Variants in MTHFD1L observed in about 807,000 individuals in gnomAD.
MTHFD1L encodes monofunctional C1-tetrahydrofolate synthase, mitochondrial.
In MTHFD1L, 81 loss-of-function variants were observed where a neutral mutation model predicts 119.5. The observed-to-expected ratio is 0.68, with a 90% CI of 0.57 to 0.82. MTHFD1L has a LOEUF of 0.82. Ranked by LOEUF, MTHFD1L falls within the 40% of genes least tolerant of loss-of-function variation. The pLI is 0.00. For synonymous variants in MTHFD1L, 430 were observed against 475.2 expected (o/e 0.90, Z 1.24); for missense variants, 1,125 against 1,253.4 (o/e 0.90, Z 1.55).
intron 8 of MTHFD1L, among the ~76,000 whole-genome samples, chr6:150,917,991 G>A (rs1788265035): frequency 6.6e-6 from 1 of 150,884 alleles, no homozygotes; most frequent in Non-Finnish European, 1.5e-5. Context: ...TGTGAGATAT[G>A]ATTTTGAAAG....
At chr6:151,022,492 A>G (rs1562553516) in intron 24 of MTHFD1L, 1 of 155,664 alleles carries the variant, frequency 6.4e-6, no homozygotes, top group Non-Finnish European at 1.4e-5. Context: ...TTGTACATAC[A>G]GGGTTTAATT....
At chr6:151,007,916 A>C (rs572180133) in intron 20 of MTHFD1L, among the ~76,000 whole-genome samples, 13 of 152,248 alleles carry the variant, frequency 8.5e-5, no homozygotes, top group Non-Finnish European at 1.8e-4. Context: ...GTTTGTTCAA[A>C]TAACACATAA....
At chr6:150,930,179 T>TC (rs1178816749) in intron 11 of MTHFD1L, among the ~76,000 whole-genome samples, 46 of 151,978 alleles carry the variant, frequency 3.0e-4, no homozygotes, top group Non-Finnish European at 6.2e-4. Flanking sequence ...TGTGGGTGGA[T>TC]CACTTGAGGC....
At chr6:150,975,817 A>G (rs1356768784) in intron 20 of MTHFD1L, among the ~76,000 whole-genome samples, 1 of 152,212 alleles carries the variant, frequency 6.6e-6, no homozygotes, top group Non-Finnish European at 1.5e-5. Flanking sequence ...CCCCCTGAGC[A>G]GTACCTCATT....
At chr6:150,928,353 G>A (rs867010923) in intron 11 of MTHFD1L, among the ~76,000 whole-genome samples, 9 of 148,670 alleles carry the variant, frequency 6.1e-5, no homozygotes, top group Non-Finnish European at 1.2e-4. Context: ...GGAGAATGGC[G>A]TGAACCTGGG....
chr6:150,946,420 G>A (rs1793955362), intron 15 of MTHFD1L, among the ~76,000 whole-genome samples: 1 of 150,116 alleles, frequency 6.7e-6, no homozygotes, highest in African/African-American at 2.4e-5. Flanking sequence ...AAAGTGCTGG[G>A]ATTACAGGTG....
intron 26 of MTHFD1L, among the ~76,000 whole-genome samples, chr6:151,069,270 TCTCTCTCTCTCC>T (rs1052423574): frequency 6.6e-6 from 1 of 151,182 alleles, no homozygotes; most frequent in African/African-American, 2.4e-5. Context: ...TCTCTCTCTC[TCTCTCTCTCTCC>T]CTCCCTCTCT....
intron 19 of MTHFD1L, among the ~76,000 whole-genome samples, chr6:150,965,506 A>G (rs1328697836): frequency 6.6e-6 from 1 of 152,002 alleles, no homozygotes; most frequent in Admixed American, 6.6e-5. Context: ...TAAAAATACA[A>G]AAAAATTAGC....
chr6:150,944,345 G>C, intron 13 of MTHFD1L, 141 bp from the exon 14 acceptor site: 1 of 646,814 alleles, frequency 1.5e-6, no homozygotes, highest in Non-Finnish European at 2.7e-6. Flanking sequence ...CTACTCAGTA[G>C]GCTTAGGTGA....
At chr6:151,001,181 T>C (rs575912362) in intron 20 of MTHFD1L, among the ~76,000 whole-genome samples, 2 of 152,332 alleles carry the variant, frequency 1.3e-5, no homozygotes, top group Admixed American at 1.3e-4. Flanking sequence ...ATATTTGATA[T>C]ATGTTTGTTG....
intron 1 of MTHFD1L, chr6:150,866,510 G>A: frequency 7.7e-7 from 1 of 1,296,706 alleles, no homozygotes; most frequent in Non-Finnish European, 9.8e-7. Context: ...GAGCTCGGGA[G>A]AGGCGGGCTC....
chr6:151,057,728 T>G (rs775039675), intron 26 of MTHFD1L, among the ~76,000 whole-genome samples: 4 of 152,182 alleles, frequency 2.6e-5, no homozygotes, highest in African/African-American at 9.7e-5. Flanking sequence ...CTTTTCTTTC[T>G]CAAAACATTC....
chr6:150,957,813 C>A (rs1738584), intron 17 of MTHFD1L, among the ~76,000 whole-genome samples: 1 of 151,878 alleles, frequency 6.6e-6, no homozygotes, highest in African/African-American at 2.4e-5. Context: ...AAAAACCCAG[C>A]GTGTTTACTT....
Position 150,878,991 on chromosome 6 carries a change from C to T in MTHFD1L, c.417+1165C>T, listed in dbSNP as rs117910582. 5.4e-4 allele frequency among the ~76,000 whole-genome samples: 82 copies of T among 152,294 alleles called. No individual in the cohort carries two copies. In the East Asian group the frequency reaches 0.013, roughly 24 times the overall value. On this transcript the variant is annotated intron_variant, in intron 4 of 27. Coordinates refer to ENST00000367321, the MANE Select transcript of MTHFD1L (RefSeq NM_015440.5). ...ACATTTCCTGAAAGTCACAGTTCTA[C>T]ATCCATCCCGTTGTCCCCTACTTAG... is the stretch of plus-strand genomic sequence containing the variant.
chr6:151,046,574 G>A (rs761952485), intron 26 of MTHFD1L, among the ~76,000 whole-genome samples: 2 of 140,732 alleles, frequency 1.4e-5, no homozygotes, highest in Admixed American at 7.3e-5. Context: ...CCCATTTTTC[G>A]TATGGATTCA....
chr6:150,976,854 C>T (rs142131891), intron 20 of MTHFD1L, among the ~76,000 whole-genome samples: 20 of 152,162 alleles, frequency 1.3e-4, no homozygotes, highest in African/African-American at 4.6e-4. Flanking sequence ...AAAGGTGATT[C>T]GCAGCAAATG....
rs979050171 is a variant in MTHFD1L at position 151,101,832 on chromosome 6, C to G, written c.*338C>G. The G allele has an allele frequency of 6.6e-6, 1 of 152,218 alleles. No individual in the cohort carries two copies. Among genetic ancestry groups the G allele is most frequent in the Non-Finnish European group, 1.5e-5 (1 of 68,050 alleles). 9.4% of individuals were successfully genotyped at this position (152,218 alleles called of 1,614,324 possible). ...GAACTAAAAGGTAACATTTTCCACTCTCAAGTTTTCTACTTTGTCTTTGAA... is the reference window on the plus strand; with the variant it reads ...GAACTAAAAGGTAACATTTTCCACTGTCAAGTTTTCTACTTTGTCTTTGAA... On this transcript the variant is annotated 3_prime_UTR_variant, in exon 28 of 28. Transcript: ENST00000367321.
intron 26 of MTHFD1L, among the ~76,000 whole-genome samples, chr6:151,072,769 C>A (rs945540761): frequency 2.0e-5 from 3 of 151,858 alleles, no homozygotes; most frequent in African/African-American, 4.8e-5. Flanking sequence ...TGTGCCTCCT[C>A]TGCACTCCAG....
chr6:150,943,305 A>C (rs1583696599), intron 13 of MTHFD1L, among the ~76,000 whole-genome samples: 1 of 151,498 alleles, frequency 6.6e-6, no homozygotes, highest in South Asian at 2.1e-4. Flanking sequence ...AAAATACTTC[A>C]TCCCTTTCAA....
Sources: allele counts gnomAD v4.1 joint callset (sites outside exome capture counted in the v4.1 genomes callset), GRCh38; gene constraint gnomAD v4.1.1; transcripts MANE v1.5; gene names NCBI Gene and HGNC (gene_info 2026-07-23, HGNC 2026-07-21).